UGT1A7: variants seen among roughly 807,000 people sequenced by gnomAD.
UGT1A7 encodes UDP glucuronosyltransferase family 1 member A7.
In UGT1A7, 33 loss-of-function variants were observed where a neutral mutation model predicts 45.6. The ratio of observed to expected loss-of-function variants is 0.72; its 90% confidence interval spans 0.55 to 0.97. The LOEUF (loss-of-function observed/expected upper bound fraction) is 0.97, where lower values mean the gene tolerates loss of function less well. Ranked by LOEUF, UGT1A7 falls within the 50% of genes least tolerant of loss-of-function variation. The pLI is 0.00. For synonymous variants in UGT1A7, 274 were observed against 250.6 expected, an observed-to-expected ratio of 1.09 and a Z score of -0.88; for missense variants, 684 against 666.2, an observed-to-expected ratio of 1.03 and a Z score of -0.29.
At chr2:233,739,217 T>C (rs913655982) in intron 1 of UGT1A7, among the ~76,000 whole-genome samples, 1 of 152,096 alleles carries the variant, frequency 6.6e-6, no homozygotes, top group Non-Finnish European at 1.5e-5. Flanking sequence ...ATGGATAGAG[T>C]CCTTATAGAG....
chr2:233,769,616 G>A lies in UGT1A7; in HGVS notation c.1295+1177G>A, dbSNP rs2126047271. The stretch of plus-strand genomic sequence containing the variant: ...ACGGAACACGGGGACACACCAGCTT[G>A]AGCAAGGGACAACAGGGGAGGACTG... On this transcript the variant is annotated intron_variant, in intron 4 of 4. Transcript: ENST00000373426. This position sits in a 1 kb window ranked among gnomAD's most constrained non-coding sequence, Gnocchi z 4.4. The A allele has an allele frequency of 1.9e-6, 3 of 1,612,698 alleles. No individual in the cohort carries two copies. Among genetic ancestry groups the A allele is most frequent in the East Asian group, 4.5e-5 (2 of 44,884 alleles).
intron 1 of UGT1A7, among the ~76,000 whole-genome samples, chr2:233,704,813 G>T (rs944925351): frequency 6.6e-6 from 1 of 152,102 alleles, no homozygotes; most frequent in South Asian, 2.1e-4. Flanking sequence ...TATGTATATT[G>T]CTTTTTAGGA....
Position 233,682,126 on chromosome 2 carries a change from T to A in UGT1A7, c.189T>A (p.Ser63Arg). The A allele has an allele frequency of 6.2e-7, 1 of 1,614,070 alleles. No homozygotes were observed. The highest frequency in any genetic ancestry group is 2.2e-5 in the East Asian group (1 of 44,884). ...HEVVVVMPEV[S>R]WQLGRSLNCT... ...TGGTCGTAGTCATGCCAGAGGTGAG[T>A]TGGCAACTGGGAAGATCACTGAATT... is the stretch of plus-strand genomic sequence containing the variant. The change falls in exon 1 of 5, where the codon AGT (serine) becomes AGA (arginine). Residue 63 changes from serine to arginine, a missense_variant. Transcript: ENST00000373426.
chr2:233,698,513 C>T (rs372475227), intron 1 of UGT1A7, among the ~76,000 whole-genome samples: 6 of 152,124 alleles, frequency 3.9e-5, no homozygotes, highest in Non-Finnish European at 5.9e-5. Context: ...ATCACATAAT[C>T]GGCAATACAT....
intron 1 of UGT1A7, chr2:233,747,484 GC>G: frequency 1.2e-6 from 2 of 1,608,658 alleles, no homozygotes; most frequent in Admixed American, 3.3e-5. Context: ...GAATTTGATC[GC>G]CTTGTGCTGG....
intron 1 of UGT1A7, among the ~76,000 whole-genome samples, chr2:233,766,212 G>A (rs1479826907): frequency 6.6e-6 from 1 of 152,186 alleles, no homozygotes; most frequent in Non-Finnish European, 1.5e-5. Context: ...GGGGAAGCCA[G>A]AAGGGGATGG....
chr2:233,690,426 A>G, intron 1 of UGT1A7: 1 of 1,251,390 alleles, frequency 8.0e-7, no homozygotes, highest in South Asian at 1.3e-5. Context: ...CTTCATGCAC[A>G]TCTTTGGGTC....
chr2:233,744,073 C>G, intron 1 of UGT1A7: 1 of 475,704 alleles, frequency 2.1e-6, no homozygotes, highest in Non-Finnish European at 3.5e-6. Context: ...ATGAGCGCCT[C>G]GCATCCCAAG....
chr2:233,768,488 A>T, intron 4 of UGT1A7, 49 bp downstream of exon 4: 1 of 1,577,512 alleles, frequency 6.3e-7, no homozygotes, highest in East Asian at 2.3e-5. Flanking sequence ...ATTCATGATA[A>T]AATTGTTTCA....
intron 1 of UGT1A7, among the ~76,000 whole-genome samples, chr2:233,700,967 G>A (rs1055144639): frequency 1.3e-5 from 2 of 152,032 alleles, no homozygotes; most frequent in Non-Finnish European, 2.9e-5. Context: ...AGAACATGCG[G>A]TGTTTGATTT....
intron 1 of UGT1A7, among the ~76,000 whole-genome samples, chr2:233,688,260 GC>G (rs1436774151): frequency 7.9e-5 from 12 of 152,166 alleles, no homozygotes; most frequent in African/African-American, 2.7e-4. Flanking sequence ...CCTTTACATG[GC>G]CGAATATTCC....
At chr2:233,740,742 A>T (rs1322255847) in intron 1 of UGT1A7, 3 of 151,738 alleles carry the variant, frequency 2.0e-5, no homozygotes, top group African/African-American at 4.9e-5. Context: ...GCCCCCTTTT[A>T]CACTCTGAAA....
At chr2:233,704,843 A>G (rs1329627923) in intron 1 of UGT1A7, among the ~76,000 whole-genome samples, 2 of 152,096 alleles carry the variant, frequency 1.3e-5, no homozygotes, top group Non-Finnish European at 2.9e-5. Context: ...AAATCAGTTA[A>G]GAGAATAGGG....
In UGT1A7 at chr2:233,760,686, C is replaced by G. The variant is rs1553620770; in HGVS notation, c.856-6348C>G. ...CTGGCTGTTCCCACTTACTGCACAACAAGGAGCTCATGGCCTCCCTGGCAG... is the reference window on the plus strand; with the variant it reads ...CTGGCTGTTCCCACTTACTGCACAAGAAGGAGCTCATGGCCTCCCTGGCAG... On this transcript the variant is annotated intron_variant, in intron 1 of 4. Transcript: ENST00000373426. 6 of 1,614,220 alleles carry G rather than the reference C, an allele frequency of 3.7e-6. No homozygotes were observed. The highest frequency in any genetic ancestry group is 4.5e-5 in the East Asian group (2 of 44,882).
intron 1 of UGT1A7, among the ~76,000 whole-genome samples, chr2:233,751,432 G>T (rs1313513130): frequency 6.6e-6 from 1 of 152,164 alleles, no homozygotes; most frequent in Non-Finnish European, 1.5e-5. Flanking sequence ...GCTGAAATGA[G>T]TTAAGACTTT....
chr2:233,687,567 G>T (rs1436432522), intron 1 of UGT1A7, among the ~76,000 whole-genome samples: 3 of 117,252 alleles, frequency 2.6e-5, no homozygotes, highest in Non-Finnish European at 5.0e-5. Flanking sequence ...CAGAATTCAA[G>T]ACCATACATT....
intron 1 of UGT1A7, chr2:233,692,999 T>C (rs745858663): frequency 6.2e-7 from 1 of 1,614,050 alleles, no homozygotes; most frequent in South Asian, 1.1e-5. Flanking sequence ...TTTAACTCTT[T>C]CCAGGATGGC....
At chr2:233,718,073 G>T in intron 1 of UGT1A7, 1 of 345,132 alleles carries the variant, frequency 2.9e-6, no homozygotes, top group South Asian at 2.3e-5. Flanking sequence ...GTCCTTGCTA[G>T]GGTTGTCTTG....
At chr2:233,754,239 C>A in intron 1 of UGT1A7, 1 of 170,838 alleles carries the variant, frequency 5.9e-6, no homozygotes. Flanking sequence ...CTGGCTCACA[C>A]TTTCCCAACG....
Sources: gnomAD v4.1 joint callset for allele counts (sites outside exome capture counted in the v4.1 genomes callset) on GRCh38, gnomAD v4.1.1 for gene constraint, Gnocchi (gnomAD v3.1) non-coding constraint, MANE v1.5 for transcripts, NCBI Gene and HGNC (gene_info 2026-07-23, HGNC 2026-07-21) for gene names.